The following MAL variants were observed in gnomAD, a reference collection of about 807,000 sequenced individuals.
MAL encodes the protein mal, T cell differentiation protein (MAL blood group).
In MAL, 5 loss-of-function variants were observed where a neutral mutation model predicts 16.7. The ratio of observed to expected loss-of-function variants is 0.30; its 90% CI spans 0.16 to 0.63. MAL has a LOEUF of 0.63. Ranked by LOEUF, MAL falls within the 30% of genes least tolerant of loss-of-function variation. MAL has a pLI of 0.82. For missense variants in MAL, 202 were observed against 195.8 expected (o/e 1.03, Z -0.19); for synonymous variants, 96 against 85.5 (o/e 1.12, Z -0.67).
chr2:95,039,954 C>G (rs947508389), intron 1 of MAL, among the ~76,000 whole-genome samples: 20 of 152,238 alleles, frequency 1.3e-4, no homozygotes, highest in African/African-American at 4.6e-4. Context: ...TTTGCGGAAG[C>G]CTTCAGCATT....
chr2:95,047,418 C>G (rs546898236), intron 1 of MAL, among the ~76,000 whole-genome samples: 1 of 152,172 alleles, frequency 6.6e-6, no homozygotes, highest in Admixed American at 6.5e-5. Context: ...AAAATTAAAC[C>G]CATATTTAAA....
At chr2:95,050,072 G>T (rs1674684485) in intron 3 of MAL, among the ~76,000 whole-genome samples, 1 of 152,186 alleles carries the variant, frequency 6.6e-6, no homozygotes, top group Non-Finnish European at 1.5e-5. Flanking sequence ...AGATGGAGAA[G>T]TGGGGCCAGA....
chr2:95,049,876 A>T (rs529623766), intron 3 of MAL, among the ~76,000 whole-genome samples, 170 bp downstream of exon 3: 1 of 151,888 alleles, frequency 6.6e-6, no homozygotes, highest in African/African-American at 2.4e-5. Flanking sequence ...GGGCAGTGTC[A>T]TGTTGTGCCC....
At chr2:95,048,877 C>T (rs779761996) in intron 2 of MAL, among the ~76,000 whole-genome samples, 7 of 152,156 alleles carry the variant, frequency 4.6e-5, no homozygotes, top group East Asian at 1.9e-4. Flanking sequence ...AGTGCAGTGG[C>T]GCAATCTCAT....
At chr2:95,042,069 A>G (rs1410881242) in intron 1 of MAL, among the ~76,000 whole-genome samples, 4 of 152,148 alleles carry the variant, frequency 2.6e-5, no homozygotes, top group African/African-American at 9.7e-5. Context: ...TTCAGAGGAA[A>G]CCCAAGGACG....
chr2:95,037,754 GAC>G, intron 1 of MAL, among the ~76,000 whole-genome samples: 1 of 150,026 alleles, frequency 6.7e-6, no homozygotes, highest in African/African-American at 2.4e-5. Context: ...GTGAGTGAGT[GAC>G]TGAGTGAGTG....
chr2:95,028,109 C>T (rs1673987547), intron 1 of MAL, among the ~76,000 whole-genome samples: 1 of 147,254 alleles, frequency 6.8e-6, no homozygotes, highest in South Asian at 2.2e-4. Flanking sequence ...GAGTTCGAGA[C>T]CAGACTGACC....
intron 1 of MAL, among the ~76,000 whole-genome samples, chr2:95,034,824 T>C (rs1052651605): frequency 3.9e-5 from 6 of 151,994 alleles, no homozygotes; most frequent in Non-Finnish European, 8.8e-5. Context: ...AGCTAACCCA[T>C]CCCCTCCACC....
At chr2:95,051,728 G>A (rs1328623321) in intron 3 of MAL, 1 of 152,184 alleles carries the variant, frequency 6.6e-6, no homozygotes, top group African/African-American at 2.4e-5. Context: ...CACGCAGACA[G>A]GAGCGTTAGA....
intron 1 of MAL, among the ~76,000 whole-genome samples, chr2:95,035,628 C>T (rs1357904720): frequency 2.0e-4 from 31 of 151,528 alleles, no homozygotes; most frequent in Non-Finnish European, 1.5e-4. Flanking sequence ...TCCAACTTGC[C>T]TTGTTAATAT....
chr2:95,046,930 GAA>G (rs1241342943), intron 1 of MAL, among the ~76,000 whole-genome samples: 3 of 144,900 alleles, frequency 2.1e-5, no homozygotes, highest in African/African-American at 2.6e-5. Context: ...AAGAAAGAGA[GAA>G]AGAGAAAGAA....
chr2:95,026,332 T>G, intron 1 of MAL: 1 of 154,346 alleles, frequency 6.5e-6, no homozygotes, highest in Non-Finnish European at 1.4e-5. Flanking sequence ...AACATTAGTA[T>G]TACCAACCGA....
At chr2:95,043,828 G>A (rs901300537) in intron 1 of MAL, among the ~76,000 whole-genome samples, 1 of 152,204 alleles carries the variant, frequency 6.6e-6, no homozygotes, top group African/African-American at 2.4e-5. Context: ...GGGCAGTGCT[G>A]AGCGGAAGGT....
chr2:95,039,926 G>A lies in MAL; in HGVS notation c.94-8033G>A, dbSNP rs116064298. ...CCTCCCTCTCAGATGCATTTTCTTAGGGGAAGAGCCGCAGGACTTTGCGGA... is the reference window on the plus strand; with the variant it reads ...CCTCCCTCTCAGATGCATTTTCTTAAGGGAAGAGCCGCAGGACTTTGCGGA... On this transcript the variant is annotated intron_variant, in intron 1 of 3. Transcript: ENST00000309988. Among the ~76,000 whole-genome samples, 717 of 152,236 alleles carry A rather than the reference G, an allele frequency of 4.7e-3. 5 individuals carry two copies. Among genetic ancestry groups the A allele is most frequent in the Middle Eastern group, 0.024 (7 of 294 alleles).
intron 1 of MAL, among the ~76,000 whole-genome samples, chr2:95,032,379 C>G (rs1484342819): frequency 6.6e-6 from 1 of 152,214 alleles, no homozygotes; most frequent in Non-Finnish European, 1.5e-5. Context: ...CCTGCCTTGA[C>G]ACAGGACAGA....
intron 1 of MAL, among the ~76,000 whole-genome samples, chr2:95,033,885 C>T (rs1674144136): frequency 6.6e-6 from 1 of 152,208 alleles, no homozygotes; most frequent in African/African-American, 2.4e-5. Context: ...ATCAAAGGAG[C>T]ACCCGGCAGC....
chr2:95,032,767 A>G (rs920811097), intron 1 of MAL, among the ~76,000 whole-genome samples: 1 of 152,162 alleles, frequency 6.6e-6, no homozygotes, highest in Non-Finnish European at 1.5e-5. Flanking sequence ...CTAGCTGGGC[A>G]TGAGCAGTGT....
Position 95,025,764 on chromosome 2 carries a change from C to T in MAL, c.-29C>T, listed in dbSNP as rs905077708. On this transcript the variant is annotated 5_prime_UTR_variant, in exon 1 of 4. Transcript: ENST00000309988. This position sits in a 1 kb window ranked among gnomAD's most constrained non-coding sequence, Gnocchi z 5.6. ...CGCGGAGTCTGAGCGGCGCTCGTCC[C>T]GTCCCAAGGCCGACGCCAGCACGCC... is the stretch of plus-strand genomic sequence containing the variant. 2.0e-6 allele frequency: 3 copies of T among 1,480,048 alleles called. No homozygotes were observed. Among genetic ancestry groups the T allele is most frequent in the African/African-American group, 1.4e-5 (1 of 69,180 alleles). 91.7% of individuals were successfully genotyped at this position (1,480,048 alleles called of 1,614,324 possible).
At chr2:95,035,418 C>T (rs1219822995) in intron 1 of MAL, among the ~76,000 whole-genome samples, 4 of 152,102 alleles carry the variant, frequency 2.6e-5, no homozygotes, top group Non-Finnish European at 4.4e-5. Context: ...GAAGACATGC[C>T]TATCAGAAAG....
Sources: allele counts gnomAD v4.1 joint callset (sites outside exome capture counted in the v4.1 genomes callset), GRCh38; gene constraint gnomAD v4.1.1; non-coding constraint Gnocchi (gnomAD v3.1); transcripts MANE v1.5; gene names NCBI Gene and HGNC (gene_info 2026-07-23, HGNC 2026-07-21).